Variants in BTBD9 observed in about 807,000 individuals in gnomAD.
BTBD9 encodes BTB domain containing 9.
A neutral mutation model predicts 64.3 loss-of-function variants in BTBD9; 49 were observed. The observed-to-expected ratio is 0.76, with a 90% CI of 0.61 to 0.97. BTBD9 has a LOEUF of 0.97. Among genes scored for constraint, BTBD9 ranks in the 50% least tolerant of loss-of-function variants. The pLI is 0.00. For synonymous variants in BTBD9, 260 were observed against 274.7 expected (o/e 0.95, Z 0.53); for missense variants, 598 against 762.1 (o/e 0.78, Z 2.53).
At chr6:38,574,496 A>T (rs1344907625) in intron 6 of BTBD9, among the ~76,000 whole-genome samples, 5 of 152,190 alleles carry the variant, frequency 3.3e-5, no homozygotes, top group Non-Finnish European at 2.9e-5. Context: ...TCACAGTGAG[A>T]GCTACCGTGA....
At chr6:38,522,012 A>C (rs896149648) in intron 6 of BTBD9, among the ~76,000 whole-genome samples, 1 of 152,090 alleles carries the variant, frequency 6.6e-6, no homozygotes, top group Admixed American at 6.6e-5. Flanking sequence ...TTTTACACCT[A>C]GCCTATTCCC....
chr6:38,586,720 CT>C (rs916255563), intron 4 of BTBD9, among the ~76,000 whole-genome samples: 9 of 151,974 alleles, frequency 5.9e-5, no homozygotes, highest in Non-Finnish European at 8.8e-5. Flanking sequence ...TTTTTTTCCC[CT>C]AACAGTGAAG....
At chr6:38,303,874 TACACACAC>T (rs1554137166) in intron 7 of BTBD9, among the ~76,000 whole-genome samples, 7 of 82,644 alleles carry the variant, frequency 8.5e-5, no homozygotes, top group East Asian at 5.0e-4. Context: ...TATATATATA[TACACACAC>T]ACACATGTGT....
At chr6:38,572,131 T>C (rs1013291921) in intron 6 of BTBD9, among the ~76,000 whole-genome samples, 14 of 152,190 alleles carry the variant, frequency 9.2e-5, no homozygotes, top group African/African-American at 2.9e-4. Flanking sequence ...TCTGTTACTA[T>C]CACAGTACCA....
chr6:38,179,580 G>T (rs180783402), intron 10 of BTBD9: 1 of 456,752 alleles, frequency 2.2e-6, no homozygotes, highest in African/African-American at 2.0e-5. Context: ...CCACAGCGCA[G>T]CTCCTGCCCT....
intron 6 of BTBD9, among the ~76,000 whole-genome samples, chr6:38,384,302 C>A (rs965470251): frequency 6.6e-6 from 1 of 152,250 alleles, no homozygotes; most frequent in South Asian, 2.1e-4. Context: ...ATCAAATATG[C>A]TTGATTCTCT....
intron 7 of BTBD9, among the ~76,000 whole-genome samples, chr6:38,289,997 A>T (rs1761895401): frequency 6.6e-6 from 1 of 152,124 alleles, no homozygotes. Context: ...ACATCAGATA[A>T]ATTAAAATAG....
At chr6:38,313,895 G>C (rs1230320607) in intron 7 of BTBD9, among the ~76,000 whole-genome samples, 1 of 151,584 alleles carries the variant, frequency 6.6e-6, no homozygotes, top group Non-Finnish European at 1.5e-5. Flanking sequence ...GACTACGGGT[G>C]CATACCCCCA....
At chr6:38,473,674 A>T (rs915503377) in intron 6 of BTBD9, among the ~76,000 whole-genome samples, 1 of 152,228 alleles carries the variant, frequency 6.6e-6, no homozygotes, top group Non-Finnish European at 1.5e-5. Context: ...AGTGATAGGT[A>T]CTGGGTAAAA....
At chr6:38,552,731 CA>C (rs1774863907) in intron 6 of BTBD9, among the ~76,000 whole-genome samples, 1 of 148,544 alleles carries the variant, frequency 6.7e-6, no homozygotes, top group South Asian at 2.1e-4. Context: ...CATGCCACTG[CA>C]CTCCAGAAAA....
chr6:38,319,114 T>C (rs1408796175), intron 7 of BTBD9, among the ~76,000 whole-genome samples: 1 of 151,614 alleles, frequency 6.6e-6, no homozygotes, highest in Non-Finnish European at 1.5e-5. Flanking sequence ...TTCAGTTAGT[T>C]TGTGGTGTAT....
intron 6 of BTBD9, among the ~76,000 whole-genome samples, chr6:38,473,680 T>TA (rs1188064683): frequency 6.6e-6 from 1 of 152,152 alleles, no homozygotes; most frequent in East Asian, 1.9e-4. Context: ...AGGTACTGGG[T>TA]AAAAGTGAAC....
chr6:38,366,458 G>A (rs1414928131), intron 6 of BTBD9, among the ~76,000 whole-genome samples: 1 of 152,156 alleles, frequency 6.6e-6, no homozygotes, highest in East Asian at 1.9e-4. Flanking sequence ...CAAGAAGCAG[G>A]TTTCGAAAAG....
At chr6:38,453,990 T>A (rs1278109811) in intron 6 of BTBD9, among the ~76,000 whole-genome samples, 1 of 152,184 alleles carries the variant, frequency 6.6e-6, no homozygotes, top group Non-Finnish European at 1.5e-5. Context: ...GGCTCCTTTT[T>A]ATTGAGGGAG....
intron 7 of BTBD9, among the ~76,000 whole-genome samples, chr6:38,301,930 T>C (rs983037483): frequency 2.0e-5 from 3 of 152,218 alleles, no homozygotes; most frequent in Non-Finnish European, 2.9e-5. Flanking sequence ...CTTGCTTCTC[T>C]AGTTCTTTTA....
rs527290611 is a variant in BTBD9 at position 38,577,578 on chromosome 6, T to C, written c.1154+22A>G. ...CTCCTTATATAAGAATAAAAATCAT[T>C]TATTAACCACTGAAAACTAACCTGC... On this transcript the variant is annotated intron_variant, in intron 6 of 10. Transcript: ENST00000481247. 3.2e-6 allele frequency: 5 copies of C among 1,584,156 alleles called. No homozygotes were observed. In the East Asian group the frequency reaches 1.1e-4, roughly 35 times the overall value.
At chr6:38,509,759 C>T (rs1431473789) in intron 6 of BTBD9, among the ~76,000 whole-genome samples, 2 of 152,166 alleles carry the variant, frequency 1.3e-5, no homozygotes. Context: ...CCTCATTGCC[C>T]TGAACACAGC....
chr6:38,625,208 T>G (rs1778127368), intron 1 of BTBD9, among the ~76,000 whole-genome samples: 1 of 152,152 alleles, frequency 6.6e-6, no homozygotes, highest in African/African-American at 2.4e-5. Flanking sequence ...CTATAAAATA[T>G]TTCACCGTTT....
chr6:38,213,674 T>G (rs1762909031), intron 9 of BTBD9, among the ~76,000 whole-genome samples: 1 of 152,062 alleles, frequency 6.6e-6, no homozygotes, highest in Admixed American at 6.6e-5. Flanking sequence ...ATAAAAAAGT[T>G]GAATTAAAAA....
Sources: gnomAD v4.1 joint callset for allele counts (sites outside exome capture counted in the v4.1 genomes callset) on GRCh38, gnomAD v4.1.1 for gene constraint, MANE v1.5 for transcripts, NCBI Gene and HGNC (gene_info 2026-07-23, HGNC 2026-07-21) for gene names.